MAOB: variants seen among roughly 807,000 people sequenced by gnomAD.
MAOB encodes the protein amine oxidase [flavin-containing] B.
Under a neutral mutation model 41.9 loss-of-function variants are expected in MAOB, and 15 were observed. That is an observed-to-expected ratio of 0.36 (90% CI 0.24 to 0.55). MAOB has a LOEUF of 0.55. Ranked by LOEUF, MAOB falls within the 20% of genes least tolerant of loss-of-function variation. The probability of loss-of-function intolerance (pLI) is 0.86; values close to 1 mark genes in which losing one functional copy is unlikely to be tolerated. For synonymous variants in MAOB, 167 were observed against 144.2 expected, an observed-to-expected ratio of 1.16 and a Z score of -1.13; for missense variants, 345 against 398.7, an observed-to-expected ratio of 0.87 and a Z score of 1.15.
chrX:43,859,053 G>T (rs931088906), intron 1 of MAOB, among the ~76,000 whole-genome samples: 3 of 110,825 alleles, frequency 2.7e-5, no homozygotes, highest in Non-Finnish European at 5.7e-5. Context: ...GAATGCAGTT[G>T]TCAGGGTCAA....
intron 3 of MAOB, among the ~76,000 whole-genome samples, chrX:43,824,397 T>C (rs899353845): frequency 8.9e-6 from 1 of 112,038 alleles, no homozygotes; most frequent in Non-Finnish European, 1.9e-5. Context: ...TAGGAAAAGA[T>C]TTGTGGCCAG....
rs745428585 is a variant in MAOB at position 43,867,931 on chromosome X, G to A, written c.46+14323C>T. On this transcript the variant is annotated intron_variant, in intron 1 of 14. Transcript: ENST00000378069. ...TATAGGATGTATCATTTAAAAGCTG[G>A]TTTAAATTCTAAGTGCTAATATTTC... Among the ~76,000 whole-genome samples the A allele has an allele frequency of 5.4e-5, 6 of 112,108 alleles. No homozygotes were observed. In the East Asian group the frequency reaches 1.7e-3, roughly 31 times the overall value.
At chrX:43,814,663 T>A (rs2034786921) in intron 3 of MAOB, among the ~76,000 whole-genome samples, 1 of 111,826 alleles carries the variant, frequency 8.9e-6, no homozygotes, top group Non-Finnish European at 1.9e-5. Flanking sequence ...TGCTTAAGAA[T>A]GTTATATATT....
intron 1 of MAOB, among the ~76,000 whole-genome samples, chrX:43,860,243 C>T (rs2035323252): frequency 8.9e-6 from 1 of 112,090 alleles, no homozygotes; most frequent in South Asian, 3.7e-4. Context: ...TCAACCAGTT[C>T]CATAGCCTTG....
Position 43,767,479 on chromosome X carries a change from A to G in MAOB, c.1550T>C (p.Leu517Pro), listed in dbSNP as rs2034125404. The G allele has an allele frequency of 4.1e-6, 5 of 1,209,921 alleles. No homozygotes were observed. The highest frequency in any genetic ancestry group is 3.5e-5 in the African/African-American group (2 of 57,690). ...LGFLAHKRGL[L>P]VRV ...CACCCTCTCTCTTTAGACTCTCACA[A>G]GTAGCCCCCTTTTGTGGGCCAGGAA... The change falls in exon 15 of 15, where the codon CTT becomes CCT. Residue 517 changes from leucine (L) to proline (P), a missense_variant. Transcript: ENST00000378069.
At chrX:43,789,626 A>G (rs1601974623) in intron 8 of MAOB, among the ~76,000 whole-genome samples, 1 of 111,467 alleles carries the variant, frequency 9.0e-6, no homozygotes, top group East Asian at 2.8e-4. Flanking sequence ...GCTGACGGTG[A>G]GGGCGGCTAG....
chrX:43,783,491 T>C (rs992759337), intron 8 of MAOB, among the ~76,000 whole-genome samples: 1 of 112,652 alleles, frequency 8.9e-6, no homozygotes, highest in Non-Finnish European at 1.9e-5. Context: ...TTGTGTCACG[T>C]AAATTGCTTG....
intron 1 of MAOB, among the ~76,000 whole-genome samples, chrX:43,863,460 T>C (rs954357938): frequency 1.6e-4 from 18 of 111,816 alleles, no homozygotes; most frequent in Non-Finnish European, 3.0e-4. Flanking sequence ...CACACACACA[T>C]AGCCAAAATA....
chrX:43,842,065 C>A (rs1202799833), intron 2 of MAOB, among the ~76,000 whole-genome samples: 1 of 111,718 alleles, frequency 9.0e-6, no homozygotes, highest in Admixed American at 9.5e-5. Flanking sequence ...CAAAAACAGA[C>A]AAATGGAATT....
At chrX:43,878,870 G>C (rs2035456485) in intron 1 of MAOB, among the ~76,000 whole-genome samples, 1 of 111,802 alleles carries the variant, frequency 8.9e-6, no homozygotes, top group African/African-American at 3.3e-5. Flanking sequence ...TTGGAAGTCT[G>C]GTTCCAACAC....
intron 3 of MAOB, among the ~76,000 whole-genome samples, chrX:43,830,179 A>G (rs992498288): frequency 1.8e-5 from 2 of 112,247 alleles, no homozygotes; most frequent in Non-Finnish European, 3.8e-5. Flanking sequence ...GTTGTAAGCT[A>G]TTTTAATACT....
rs201466768 is a variant in MAOB at position 43,769,330 on chromosome X, C to A, written c.1324G>T (p.Ala442Ser). 1.7e-6 allele frequency: 2 copies of A among 1,206,009 alleles called. No homozygotes were observed. The highest frequency in any genetic ancestry group is 6.0e-5 in the East Asian group (2 of 33,529). The change falls in exon 13 of 15, where the codon GCC becomes TCC. Residue 442 changes from alanine (A) to serine (S), a missense_variant. Transcript: ENST00000378069. ...ACCTCTCGGGCTGCTCTCTCCCCGG[C>A]CTCTACAGCCCCCTCCATGTAGCCG... Reference protein sequence around the residue: ...WSGYMEGAVEAGERAAREILH... With the variant: ...WSGYMEGAVESGERAAREILH...
chrX:43,790,450 G>A (rs1257898591), intron 8 of MAOB, among the ~76,000 whole-genome samples: 1 of 112,204 alleles, frequency 8.9e-6, no homozygotes, highest in Admixed American at 9.4e-5. Context: ...TTCTGGGCAA[G>A]GAAAAGTGCC....
At chrX:43,851,585 ACAAGCAT>A (rs1373003340) in intron 1 of MAOB, among the ~76,000 whole-genome samples, 2 of 111,952 alleles carry the variant, frequency 1.8e-5, no homozygotes, top group African/African-American at 3.2e-5. Context: ...TTTTAGAATC[ACAAGCAT>A]CTTTAAGGAA....
At chrX:43,843,035 C>T (rs200456079) in intron 2 of MAOB, among the ~76,000 whole-genome samples, 11 of 110,717 alleles carry the variant, frequency 9.9e-5, no homozygotes, top group Middle Eastern at 4.7e-3. Flanking sequence ...TTGTGCATTT[C>T]AAAATAACAG....
chrX:43,869,564 A>T (rs1178539254), intron 1 of MAOB, among the ~76,000 whole-genome samples: 2 of 112,057 alleles, frequency 1.8e-5, no homozygotes, highest in Non-Finnish European at 3.8e-5. Flanking sequence ...TCAATAAAAC[A>T]GAGGGACTTT....
chrX:43,777,610 A>G (rs779964390), intron 11 of MAOB, among the ~76,000 whole-genome samples: 1 of 111,722 alleles, frequency 9.0e-6, no homozygotes, highest in African/African-American at 3.2e-5. Context: ...ACCAGGAGGA[A>G]GCAAGTCACT....
intron 1 of MAOB, among the ~76,000 whole-genome samples, chrX:43,878,113 C>T (rs111225953): frequency 0.018 from 2,037 of 111,468 alleles, 69 homozygotes; most frequent in African/African-American, 0.062. Context: ...GCCAGGAAGG[C>T]ATTATGAGTC....
chrX:43,857,168 A>AGAG lies in MAOB; in HGVS notation c.47-13405_47-13404insCTC, dbSNP rs1555968516. 2.4e-4 allele frequency among the ~76,000 whole-genome samples: 6 copies of AGAG among 24,868 alleles called. No individual in the cohort carries two copies. In the East Asian group the frequency reaches 4.5e-3, roughly 19 times the overall value. 21.6% of individuals were successfully genotyped at this position (24,868 alleles called of 115,157 possible). On this transcript the variant is annotated intron_variant, in intron 1 of 14. Coordinates refer to ENST00000378069, the MANE Select transcript of MAOB (RefSeq NM_000898.5). ...AGAGAGAGAGAGAGAGAGAGAGAAGAAGAGAGAGAGAGAGAGAGAGAGAGA... is the reference window on the plus strand; with the variant it reads ...AGAGAGAGAGAGAGAGAGAGAGAAGAGAGAGAGAGAGAGAGAGAGAGAGAGAGA...
Sources: allele counts gnomAD v4.1 joint callset (sites outside exome capture counted in the v4.1 genomes callset), GRCh38; gene constraint gnomAD v4.1.1; transcripts MANE v1.5; gene names NCBI Gene and HGNC (gene_info 2026-07-23, HGNC 2026-07-21).